Variants in TMX1 observed in about 807,000 individuals in gnomAD.
TMX1 encodes the protein thioredoxin related transmembrane protein 1.
TMX1 carries 25 observed loss-of-function variants against 36.6 expected under a neutral mutation model. The observed-to-expected ratio is 0.68, with a 90% CI of 0.50 to 0.95. The LOEUF (loss-of-function observed/expected upper bound fraction) is 0.95. Ranked by LOEUF, TMX1 falls within the 40% of genes least tolerant of loss-of-function variation. The probability of loss-of-function intolerance (pLI) is 0.00; values close to 1 mark genes in which losing one functional copy is unlikely to be tolerated. For missense variants in TMX1, 347 were observed against 339.6 expected (o/e 1.02, Z -0.17); for synonymous variants, 133 against 118.0 (o/e 1.13, Z -0.82).
intron 1 of TMX1, among the ~76,000 whole-genome samples, chr14:51,241,059 A>G (rs933794260): frequency 1.3e-5 from 2 of 150,466 alleles, no homozygotes; most frequent in Non-Finnish European, 3.0e-5. Context: ...TTCACTCCTC[A>G]TCTCATTTTT....
At chr14:51,240,521 G>T (rs115037890) in intron 1 of TMX1, 77 bp downstream of exon 1, 3 of 1,543,112 alleles carry the variant, frequency 1.9e-6, no homozygotes, top group African/African-American at 2.7e-5. Flanking sequence ...CGTGCGGGTC[G>T]CAGGCTCCCC....
chr14:51,249,841 A>C, intron 7 of TMX1, 76 bp downstream of exon 7: 2 of 1,168,610 alleles, frequency 1.7e-6, no homozygotes, highest in African/African-American at 1.6e-5. Flanking sequence ...CACACATTTC[A>C]CAGGTTGCTC....
rs532854077 is a variant in TMX1 at position 51,240,512 on chromosome 14, G to A, written c.152+68G>A. ...CACGACTTCACCCCGCACGTTCCTC[G>A]TGCGGGTCGCAGGCTCCCCAGGACT... On this transcript the variant is annotated intron_variant, in intron 1 of 7. Coordinates refer to ENST00000457354, the MANE Select transcript of TMX1 (RefSeq NM_030755.5). 238 of 1,558,076 alleles carry A rather than the reference G, an allele frequency of 1.5e-4. 1 individual carries two copies. In the East Asian group the frequency reaches 4.4e-3, roughly 29 times the overall value.
At chr14:51,253,882 A>C (rs1179661768) in intron 7 of TMX1, 1 of 152,630 alleles carries the variant, frequency 6.6e-6, no homozygotes, top group Non-Finnish European at 1.5e-5. Flanking sequence ...AAGTTTTAGT[A>C]TACTTGTTGA....
At chr14:51,248,433 C>G (rs1215255789) in intron 4 of TMX1, among the ~76,000 whole-genome samples, 1 of 152,158 alleles carries the variant, frequency 6.6e-6, no homozygotes, top group Non-Finnish European at 1.5e-5. Flanking sequence ...ACTACCATGC[C>G]CAACTCAATT....
intron 4 of TMX1, among the ~76,000 whole-genome samples, chr14:51,248,998 A>G (rs1046272097): frequency 2.0e-5 from 3 of 152,176 alleles, no homozygotes; most frequent in Admixed American, 6.5e-5. Flanking sequence ...GCCTTTTCCA[A>G]CTGGTTTCAT....
intron 1 of TMX1, among the ~76,000 whole-genome samples, chr14:51,241,189 C>T (rs1415858396): frequency 6.6e-6 from 1 of 152,144 alleles, no homozygotes; most frequent in Non-Finnish European, 1.5e-5. Context: ...GCCAGGTCAT[C>T]ATTTATTGCT....
At chr14:51,254,287 C>G (rs2065828174) in intron 7 of TMX1, 54 bp from the exon 8 acceptor site, 1 of 1,501,576 alleles carries the variant, frequency 6.7e-7, no homozygotes, top group African/African-American at 1.4e-5. Context: ...TGATTTTACT[C>G]TAAAGCAAAT....
chr14:51,243,831 TTA>T, intron 1 of TMX1, 23 bp from the exon 2 acceptor site: 1 of 1,563,176 alleles, frequency 6.4e-7, no homozygotes, highest in Non-Finnish European at 8.7e-7. Context: ...TTAACTTTTT[TTA>T]AAAAAAAATC....
chr14:51,245,468 A>T (rs1284106366), intron 3 of TMX1, 110 bp downstream of exon 3: 1 of 1,554,530 alleles, frequency 6.4e-7, no homozygotes, highest in African/African-American at 1.4e-5. Context: ...ATCTCATTAT[A>T]TTCAGCAGGT....
At chr14:51,245,557 CT>C in intron 3 of TMX1, 199 bp downstream of exon 3, 1 of 1,332,330 alleles carries the variant, frequency 7.5e-7, no homozygotes, top group Non-Finnish European at 1.0e-6. Flanking sequence ...AGTCTCTGTT[CT>C]CAAAGATTTA....
chr14:51,256,117 A>G lies in TMX1; in HGVS notation c.*1598A>G, dbSNP rs1299049454. ...TTACTTTGTATTTAACGATGTTCAGATGAGTAGTTGTGTGTTCCTATATAT... is the reference window on the plus strand; with the variant it reads ...TTACTTTGTATTTAACGATGTTCAGGTGAGTAGTTGTGTGTTCCTATATAT... On this transcript the variant is annotated 3_prime_UTR_variant, in exon 8 of 8. Transcript: ENST00000457354. 1 of 152,566 alleles carries G rather than the reference A, an allele frequency of 6.6e-6. No homozygotes were observed. The highest frequency in any genetic ancestry group is 1.5e-5 in the Non-Finnish European group (1 of 67,996). 9.5% of individuals were successfully genotyped at this position (152,566 alleles called of 1,614,324 possible). A position where few individuals can be genotyped will look rare whatever the true frequency, so the allele number is the denominator to read the frequency against.
intron 1 of TMX1, 31 bp downstream of exon 1, chr14:51,240,475 C>A: frequency 1.2e-6 from 2 of 1,602,074 alleles, no homozygotes; most frequent in Non-Finnish European, 1.7e-6. Flanking sequence ...GTCCTACGTC[C>A]GTGCCTGGAC....
chr14:51,246,472 G>C (rs1285877177), intron 3 of TMX1, among the ~76,000 whole-genome samples: 1 of 152,162 alleles, frequency 6.6e-6, no homozygotes, highest in African/African-American at 2.4e-5. Flanking sequence ...GAGCTGATGA[G>C]TTTTTGCACT....
At chr14:51,250,916 G>A (rs2065809179) in intron 7 of TMX1, among the ~76,000 whole-genome samples, 1 of 152,048 alleles carries the variant, frequency 6.6e-6, no homozygotes, top group Non-Finnish European at 1.5e-5. Context: ...TTAGATAGTT[G>A]CATTGATACT....
rs899791764 is a variant in TMX1, at chr14:51,257,546, A to T, written c.*3027A>T. 6.6e-6 allele frequency: 1 copy of T among 152,200 alleles called. No homozygotes were observed. The highest frequency in any genetic ancestry group is 1.5e-5 in the Non-Finnish European group (1 of 68,032). 9.4% of individuals were successfully genotyped at this position (152,200 alleles called of 1,614,324 possible). ...ATAAATAAAATTTTAATTGAACATC[A>T]TTGGAGATTTAGATATGTTGGTACT... On this transcript the variant is annotated 3_prime_UTR_variant, in exon 8 of 8. Coordinates refer to ENST00000457354, the MANE Select transcript of TMX1 (RefSeq NM_030755.5).
At position 51,254,450 on chromosome 14, in the gene TMX1, C is replaced by T; in HGVS notation, c.774C>T (p.Asn258=). 6.2e-7 allele frequency: 1 copy of T among 1,611,960 alleles called. No individual in the cohort carries two copies. The highest frequency in any genetic ancestry group is 8.5e-7 in the Non-Finnish European group (1 of 1,179,190). The change falls in exon 8 of 8, where the codon AAC becomes AAT. Residue 258 remains asparagine (N), a synonymous_variant. Transcript: ENST00000457354. ...AAGCTGAAAGTAAAGAAGGAACAAA[C>T]AAAGACTTTCCACAGAATGCCATAA... is the stretch of plus-strand genomic sequence containing the variant. ...EEEAESKEGT[N]KDFPQNAIRQ...
intron 1 of TMX1, 79 bp from the exon 2 acceptor site, chr14:51,243,777 C>A: frequency 5.6e-6 from 5 of 887,436 alleles, no homozygotes. Flanking sequence ...ATAAATTATA[C>A]ATTTAAATTT....
chr14:51,250,828 T>A (rs1288352639), intron 7 of TMX1, among the ~76,000 whole-genome samples: 5 of 152,202 alleles, frequency 3.3e-5, no homozygotes, highest in Admixed American at 3.3e-4. Flanking sequence ...GAGATCAAAA[T>A]TTCCGAAATG....
Sources: allele counts gnomAD v4.1 joint callset (sites outside exome capture counted in the v4.1 genomes callset), GRCh38; gene constraint gnomAD v4.1.1; transcripts MANE v1.5; gene names NCBI Gene and HGNC (gene_info 2026-07-23, HGNC 2026-07-21).